The following PRKCH variants were observed in gnomAD, a reference collection of about 807,000 sequenced individuals.
PRKCH encodes the protein protein kinase C eta type.
PRKCH carries 28 observed loss-of-function variants against 82.5 expected under a neutral mutation model. The ratio of observed to expected loss-of-function variants is 0.34; its 90% CI spans 0.25 to 0.47. PRKCH has a LOEUF of 0.47. Ranked by LOEUF, PRKCH falls within the 20% of genes least tolerant of loss-of-function variation. The pLI, the probability that PRKCH is intolerant of heterozygous loss-of-function variation, is 1.00. For synonymous variants in PRKCH, 322 were observed against 327.4 expected (o/e 0.98, Z 0.18); for missense variants, 705 against 881.8 (o/e 0.80, Z 2.54).
chr14:61,253,594 A>G (rs1459291483), intron 1 of PRKCH, among the ~76,000 whole-genome samples: 1 of 152,202 alleles, frequency 6.6e-6, no homozygotes, highest in Admixed American at 6.5e-5. Context: ...GCATTAAAAT[A>G]TGCTCAAGTT....
At chr14:61,194,446 TCCTGCAC>T (rs748660251) in intron 1 of PRKCH, among the ~76,000 whole-genome samples, 10 of 152,204 alleles carry the variant, frequency 6.6e-5, no homozygotes, top group Non-Finnish European at 1.3e-4. Context: ...CCTGGAGAGA[TCCTGCAC>T]CCGTTCTACC....
chr14:61,268,260 G>C (rs2045121422), intron 1 of PRKCH, among the ~76,000 whole-genome samples: 1 of 152,182 alleles, frequency 6.6e-6, no homozygotes, highest in Admixed American at 6.5e-5. Flanking sequence ...CCTGATTTTA[G>C]AAATGTTAAA....
intron 2 of PRKCH, among the ~76,000 whole-genome samples, chr14:61,440,498 A>T (rs991002689): frequency 7.9e-5 from 12 of 152,016 alleles, no homozygotes; most frequent in Admixed American, 3.9e-4. Context: ...ATTCATTTGG[A>T]CTCTTTCTGC....
At chr14:61,506,923 A>G (rs1457942782) in intron 10 of PRKCH, among the ~76,000 whole-genome samples, 1 of 152,174 alleles carries the variant, frequency 6.6e-6, no homozygotes, top group African/African-American at 2.4e-5. Context: ...CATAGCTGAC[A>G]AAAGCAAAAA....
chr14:61,368,870 A>T (rs2046331719), intron 1 of PRKCH, among the ~76,000 whole-genome samples: 1 of 152,060 alleles, frequency 6.6e-6, no homozygotes, highest in Non-Finnish European at 1.5e-5. Context: ...TTTTTGGGGA[A>T]TTGTTTAAAG....
intron 1 of PRKCH, among the ~76,000 whole-genome samples, chr14:61,267,828 C>T (rs925125032): frequency 1.3e-5 from 2 of 151,960 alleles, no homozygotes; most frequent in African/African-American, 2.4e-5. Flanking sequence ...TGCACCATTA[C>T]GTTATGTACC....
chr14:61,527,994 T>C (rs901539298), intron 10 of PRKCH: 1 of 152,194 alleles, frequency 6.6e-6, no homozygotes, highest in African/African-American at 2.4e-5. Flanking sequence ...GGAATTGTTC[T>C]CTCTTATGTT....
At chr14:61,360,761 A>G (rs1000427764) in intron 1 of PRKCH, among the ~76,000 whole-genome samples, 1 of 152,216 alleles carries the variant, frequency 6.6e-6, no homozygotes, top group Non-Finnish European at 1.5e-5. Context: ...GAAGAAGTAA[A>G]CAGAGGTTTA....
intron 2 of PRKCH, among the ~76,000 whole-genome samples, chr14:61,394,362 A>G (rs1178814591): frequency 1.3e-5 from 2 of 152,182 alleles, no homozygotes; most frequent in African/African-American, 2.4e-5. Flanking sequence ...ACAGAGAAAA[A>G]TGAGTCTGTT....
intron 12 of PRKCH, among the ~76,000 whole-genome samples, chr14:61,535,302 A>T (rs1267406609): frequency 6.6e-6 from 1 of 152,170 alleles, no homozygotes; most frequent in Non-Finnish European, 1.5e-5. Flanking sequence ...GGAGGGAGAA[A>T]GAAATTTTAA....
At chr14:61,528,975 T>TGTGTGTGTGTGG in intron 10 of PRKCH, 100 bp from the exon 11 acceptor site, 1 of 811,258 alleles carries the variant, frequency 1.2e-6, no homozygotes, top group South Asian at 2.2e-5. Flanking sequence ...TGGCCGCACG[T>TGTGTGTGTGTGG]GTGTGTGTGT....
chr14:61,309,111 C>T (rs1168711835), intron 1 of PRKCH, among the ~76,000 whole-genome samples: 4 of 151,936 alleles, frequency 2.6e-5, no homozygotes, highest in South Asian at 2.1e-4. Flanking sequence ...ACCGAGACCC[C>T]GCCTCTACAG....
At chr14:61,528,934 C>T (rs142656396) in intron 10 of PRKCH, 141 bp from the exon 11 acceptor site, 16 of 764,394 alleles carry the variant, frequency 2.1e-5, no homozygotes, top group Non-Finnish European at 2.5e-5. Flanking sequence ...TTCCTTTTGA[C>T]GTGTGTACAG....
intron 1 of PRKCH, among the ~76,000 whole-genome samples, chr14:61,214,715 A>G (rs2044605180): frequency 3.3e-5 from 5 of 152,028 alleles, no homozygotes; most frequent in African/African-American, 1.2e-4. Flanking sequence ...TTTCTCTTCT[A>G]TCTCACGTCC....
At chr14:61,481,723 A>G (rs372368799) in intron 9 of PRKCH, among the ~76,000 whole-genome samples, 37 of 152,324 alleles carry the variant, frequency 2.4e-4, no homozygotes, top group Non-Finnish European at 4.7e-4. Context: ...CTGTCACTCT[A>G]TAGCCATCTT....
chr14:61,374,656 GC>G (rs34232815), intron 1 of PRKCH, among the ~76,000 whole-genome samples: 1 of 152,046 alleles, frequency 6.6e-6, no homozygotes, highest in Non-Finnish European at 1.5e-5. Context: ...CTGTACATTG[GC>G]CCCTTTTAGC....
At chr14:61,226,725 A>T (rs774597423) in intron 1 of PRKCH, among the ~76,000 whole-genome samples, 1 of 152,212 alleles carries the variant, frequency 6.6e-6, no homozygotes, top group Non-Finnish European at 1.5e-5. Flanking sequence ...GAAGGCAAAC[A>T]TTTGAGCATT....
intron 10 of PRKCH, among the ~76,000 whole-genome samples, chr14:61,508,242 T>C (rs1887237525): frequency 6.6e-6 from 1 of 152,178 alleles, no homozygotes; most frequent in South Asian, 2.1e-4. Flanking sequence ...TGATTGCTGA[T>C]TTGATTAAAA....
chr14:61,236,433 G>C (rs2044788415), intron 1 of PRKCH, among the ~76,000 whole-genome samples: 1 of 151,850 alleles, frequency 6.6e-6, no homozygotes, highest in Non-Finnish European at 1.5e-5. Context: ...GGCTCCACCG[G>C]GCGCAGTAGC....
Sources: allele counts gnomAD v4.1 joint callset (sites outside exome capture counted in the v4.1 genomes callset), GRCh38; gene constraint gnomAD v4.1.1; transcripts MANE v1.5; gene names NCBI Gene and HGNC (gene_info 2026-07-23, HGNC 2026-07-21).